The following NT5M variants were observed in gnomAD, a reference collection of about 807,000 sequenced individuals.
NT5M encodes the protein 5'(3')-deoxyribonucleotidase, mitochondrial.
In NT5M, 22 loss-of-function variants were observed where a neutral mutation model predicts 22.2. The observed-to-expected ratio is 0.99, with a 90% confidence interval of 0.71 to 1.41. The LOEUF (loss-of-function observed/expected upper bound fraction) is 1.41. Ranked by LOEUF, NT5M falls within the 40% of genes most tolerant of loss-of-function variation. NT5M has a pLI of 0.00. For missense variants in NT5M, 322 were observed against 314.8 expected (o/e 1.02, Z -0.17); for synonymous variants, 167 against 133.0 (o/e 1.26, Z -1.76).
At position 17,327,748 on chromosome 17, in the gene NT5M, C is replaced by A. The variant is rs2049293386; in HGVS notation, c.429+4503C>A. Among the ~76,000 whole-genome samples the A allele has an allele frequency of 1.9e-5, 2 of 106,152 alleles. 1 individual carries two copies. The highest frequency in any genetic ancestry group is 2.0e-4 in the Admixed American group (2 of 10,226). The allele number at this position is 106,152 out of a possible 152,430, so 69.6% of individuals were successfully genotyped here. A position where few individuals can be genotyped will look rare whatever the true frequency, so the allele number is the denominator to read the frequency against. ...GGTCAGGCTGGTCTCAAACTCCTGA[C>A]CTTGTGATCCACCTGCCTCGGTCTC... On this transcript the variant is annotated intron_variant, in intron 3 of 4. Coordinates refer to ENST00000389022, the MANE Select transcript of NT5M (RefSeq NM_020201.4).
In NT5M at chr17:17,305,401, C is replaced by T. The variant is rs909649013; in HGVS notation, c.268-1142C>T. 9.4e-3 allele frequency among the ~76,000 whole-genome samples: 1,192 copies of T among 127,272 alleles called. 53 individuals are homozygous for T. The highest frequency in any genetic ancestry group is 0.014 in the Admixed American group (172 of 12,700). 83.5% of individuals were successfully genotyped at this position (127,272 alleles called of 152,430 possible). ...TCTGTGGTTAAAACAACCGCCCCCC[C>T]CCCCCCGCCCCCACACACGTGGCTC... On this transcript the variant is annotated intron_variant, in intron 1 of 4. Coordinates refer to ENST00000389022, the MANE Select transcript of NT5M (RefSeq NM_020201.4).
At chr17:17,334,585 C>T (rs577566253) in intron 3 of NT5M, among the ~76,000 whole-genome samples, 13 of 148,830 alleles carry the variant, frequency 8.7e-5, no homozygotes, top group African/African-American at 3.0e-4. Flanking sequence ...AAGTGATTCT[C>T]GTGCCTCAGC....
At position 17,337,593 on chromosome 17, in the gene NT5M, C is replaced by T. The variant is rs139347606; in HGVS notation, c.430-7201C>T. On this transcript the variant is annotated intron_variant, in intron 3 of 4. Coordinates refer to ENST00000389022, the MANE Select transcript of NT5M (RefSeq NM_020201.4). Reference sequence around the variant, plus strand: ...CTAATTTTTGTATTTCTTGTAGAGACGGGGTCTTACTATGTAGCCCAGGCT... The same window carrying T: ...CTAATTTTTGTATTTCTTGTAGAGATGGGGTCTTACTATGTAGCCCAGGCT... Among the ~76,000 whole-genome samples, 572 of 151,996 alleles carry T rather than the reference C, an allele frequency of 3.8e-3. 3 individuals carry two copies. Among genetic ancestry groups the T allele is most frequent in the African/African-American group, 0.013 (538 of 41,430 alleles).
chr17:17,322,536 G>A (rs1485740346), intron 2 of NT5M, among the ~76,000 whole-genome samples: 1 of 152,180 alleles, frequency 6.6e-6, no homozygotes, highest in African/African-American at 2.4e-5. Context: ...GTTGAGGGAC[G>A]CGTTTGCCAG....
intron 2 of NT5M, among the ~76,000 whole-genome samples, chr17:17,322,466 G>C (rs1435453335): frequency 6.6e-6 from 1 of 152,178 alleles, no homozygotes; most frequent in South Asian, 2.1e-4. Flanking sequence ...GTAGTGCCAA[G>C]TATCAGGTAA....
chr17:17,347,126 G>A lies in NT5M; in HGVS notation c.*179G>A. 1 of 822,366 alleles carries A rather than the reference G, an allele frequency of 1.2e-6. No homozygotes were observed. The highest frequency in any genetic ancestry group is 1.8e-5 in the South Asian group (1 of 54,478). The allele number at this position is 822,366 out of a possible 1,614,324, so 50.9% of individuals were successfully genotyped here. ...AGGCCTTAACCTGATCACGGGGCAG[G>A]GCTGGGCCCTCTGGGCGCTTGGACA... On this transcript the variant is annotated 3_prime_UTR_variant, in exon 5 of 5. Transcript: ENST00000389022.
intron 2 of NT5M, among the ~76,000 whole-genome samples, chr17:17,322,311 T>G (rs1203774642): frequency 1.3e-5 from 2 of 151,498 alleles, no homozygotes; most frequent in South Asian, 2.1e-4. Context: ...CTGAAGTCTG[T>G]GGGGGATGAG....
intron 4 of NT5M, among the ~76,000 whole-genome samples, chr17:17,346,149 CTCCCCAGCCTCGTG>C (rs1168810197): frequency 6.6e-6 from 1 of 152,172 alleles, no homozygotes; most frequent in Non-Finnish European, 1.5e-5. Flanking sequence ...CCACCCCACC[CTCCCCAGCCTCGTG>C]GGTTCCCGCC....
intron 4 of NT5M, among the ~76,000 whole-genome samples, chr17:17,346,602 G>C (rs2049763076): frequency 6.6e-6 from 1 of 152,242 alleles, no homozygotes; most frequent in African/African-American, 2.4e-5. Flanking sequence ...CTGAGCACTG[G>C]CTGCGCGTGC....
intron 1 of NT5M, among the ~76,000 whole-genome samples, chr17:17,304,734 G>T (rs2048758344): frequency 6.6e-6 from 1 of 151,992 alleles, no homozygotes; most frequent in Non-Finnish European, 1.5e-5. Context: ...GCTGCTCAGG[G>T]GCTCAGTCAG....
intron 2 of NT5M, among the ~76,000 whole-genome samples, chr17:17,318,030 G>A (rs1312448170): frequency 6.7e-6 from 1 of 148,996 alleles, no homozygotes; most frequent in Admixed American, 6.7e-5. Context: ...ACTCATAGGT[G>A]TATATCCACG....
chr17:17,308,033 A>G (rs1005577923), intron 2 of NT5M, among the ~76,000 whole-genome samples: 1 of 149,296 alleles, frequency 6.7e-6, no homozygotes, highest in African/African-American at 2.5e-5. Flanking sequence ...CTGGGCAACA[A>G]GATTGAAACT....
At chr17:17,328,793 G>T (rs1440672363) in intron 3 of NT5M, among the ~76,000 whole-genome samples, 2 of 152,104 alleles carry the variant, frequency 1.3e-5, no homozygotes, top group Non-Finnish European at 2.9e-5. Context: ...GGAGGGAGTG[G>T]AATTGGGTTA....
At chr17:17,346,689 C>A (rs2049766145) in intron 4 of NT5M, 116 bp from the exon 5 acceptor site, 1 of 1,288,988 alleles carries the variant, frequency 7.8e-7, no homozygotes, top group Non-Finnish European at 1.1e-6. Flanking sequence ...CACCCCTTTA[C>A]AGAGGAAACA....
chr17:17,336,101 C>T (rs1388982590), intron 3 of NT5M, among the ~76,000 whole-genome samples: 1 of 147,342 alleles, frequency 6.8e-6, no homozygotes, highest in Non-Finnish European at 1.5e-5. Context: ...CTCCTGGGTT[C>T]ACACCATTCT....
chr17:17,345,060 C>T, intron 4 of NT5M, 152 bp downstream of exon 4: 3 of 1,247,484 alleles, frequency 2.4e-6, no homozygotes, highest in Non-Finnish European at 3.3e-6. Context: ...AAGACAAGGC[C>T]CCCTCTGTAT....
At chr17:17,325,827 C>T (rs912470524) in intron 3 of NT5M, among the ~76,000 whole-genome samples, 5 of 152,208 alleles carry the variant, frequency 3.3e-5, no homozygotes, top group Admixed American at 6.5e-5. Context: ...CACGAGGCCT[C>T]GGCCCAGAAG....
At chr17:17,311,441 T>C (rs1470616101) in intron 2 of NT5M, among the ~76,000 whole-genome samples, 2 of 152,220 alleles carry the variant, frequency 1.3e-5, no homozygotes, top group Non-Finnish European at 2.9e-5. Context: ...CAAACTTCAT[T>C]CTTTTGCATG....
chr17:17,303,921 G>A (rs1360050399), intron 1 of NT5M, 104 bp downstream of exon 1: 6 of 1,318,010 alleles, frequency 4.6e-6, no homozygotes, highest in Non-Finnish European at 5.8e-6. Flanking sequence ...CCAGCCTCGG[G>A]GTGGCCCTCT....
Sources: allele counts gnomAD v4.1 joint callset (sites outside exome capture counted in the v4.1 genomes callset), GRCh38; gene constraint gnomAD v4.1.1; transcripts MANE v1.5; gene names NCBI Gene and HGNC (gene_info 2026-07-23, HGNC 2026-07-21).